AFF2: variants seen among roughly 807,000 people sequenced by gnomAD.
The protein encoded by AFF2 is AF4/FMR2 family member 2.
AFF2 carries 14 observed loss-of-function variants against 76.9 expected under a neutral mutation model. That is an observed-to-expected ratio of 0.18 (90% CI 0.12 to 0.28). AFF2 has a LOEUF of 0.28. Among genes scored for constraint, AFF2 ranks in the 10% least tolerant of loss-of-function variants. The probability of loss-of-function intolerance (pLI) is 1.00; values close to 1 mark genes in which losing one functional copy is unlikely to be tolerated. For missense variants in AFF2, 868 were observed against 1,001.1 expected (o/e 0.87, Z 1.79); for synonymous variants, 398 against 366.7 (o/e 1.09, Z -0.98).
intron 1 of AFF2, among the ~76,000 whole-genome samples, chrX:148,601,958 G>C (rs1557248127): frequency 9.0e-6 from 1 of 111,444 alleles, no homozygotes; most frequent in East Asian, 2.8e-4. Context: ...CTGGATACTT[G>C]AGGATACAAT....
intron 1 of AFF2, among the ~76,000 whole-genome samples, chrX:148,593,006 A>G (rs1318992863): frequency 8.9e-6 from 1 of 111,892 alleles, no homozygotes; most frequent in Admixed American, 9.4e-5. Flanking sequence ...TTTAGTTCAG[A>G]ACCTCAGGTT....
At chrX:148,544,416 C>T (rs1225088387) in intron 1 of AFF2, among the ~76,000 whole-genome samples, 1 of 107,222 alleles carries the variant, frequency 9.3e-6, no homozygotes, top group African/African-American at 3.4e-5. Flanking sequence ...CCTGCTTTCA[C>T]TCTCTCTCTC....
chrX:148,586,894 C>T (rs1024687215), intron 1 of AFF2, among the ~76,000 whole-genome samples: 2 of 110,287 alleles, frequency 1.8e-5, no homozygotes, highest in African/African-American at 3.3e-5. Context: ...TCCCTCCTTC[C>T]CTCCCTCGCT....
chrX:148,502,741 T>G (rs1471209577), intron 1 of AFF2, among the ~76,000 whole-genome samples: 1 of 112,905 alleles, frequency 8.9e-6, no homozygotes, highest in Non-Finnish European at 1.9e-5. Context: ...GTGGTGTGGG[T>G]TACATCGTTA....
intron 9 of AFF2, among the ~76,000 whole-genome samples, chrX:148,929,929 A>G (rs2071693556): frequency 8.9e-6 from 1 of 111,966 alleles, no homozygotes; most frequent in South Asian, 3.8e-4. Flanking sequence ...TGTATGCTGC[A>G]GCATCATAGC....
rs182663330 is a variant in AFF2 at position 148,748,935 on chromosome X, T to C, written c.1042-60941T>C. The stretch of plus-strand genomic sequence containing the variant: ...GAATGGAGTTTGCATAGAATGGTTT[T>C]CTCACATACATTTTTAATGGTAGAT... On this transcript the variant is annotated intron_variant, in intron 3 of 20. Transcript: ENST00000370460. 6.7e-3 allele frequency among the ~76,000 whole-genome samples: 748 copies of C among 111,875 alleles called. 7 individuals carry two copies. Among genetic ancestry groups the C allele is most frequent in the African/African-American group, 0.023 (706 of 30,760 alleles).
At chrX:148,732,627 T>C (rs1427644857) in intron 3 of AFF2, among the ~76,000 whole-genome samples, 1 of 93,067 alleles carries the variant, frequency 1.1e-5, no homozygotes, top group African/African-American at 4.2e-5. Flanking sequence ...AAAAAAAAAC[T>C]ACTGTGATTT....
At chrX:148,646,215 A>G (rs1407770451) in intron 1 of AFF2, among the ~76,000 whole-genome samples, 2 of 111,098 alleles carry the variant, frequency 1.8e-5, no homozygotes, top group Non-Finnish European at 3.8e-5. Context: ...TAACATTAAT[A>G]TCATGGTGAT....
At chrX:148,909,532 G>A (rs906173588) in intron 9 of AFF2, among the ~76,000 whole-genome samples, 17 of 111,701 alleles carry the variant, frequency 1.5e-4, no homozygotes, top group Non-Finnish European at 2.6e-4. Flanking sequence ...CATTGCCATA[G>A]GGAGACTGTG....
intron 3 of AFF2, among the ~76,000 whole-genome samples, chrX:148,783,150 G>C (rs2069766574): frequency 9.0e-6 from 1 of 111,333 alleles, no homozygotes; most frequent in Admixed American, 9.5e-5. Context: ...GGTGATGGAA[G>C]TATGATGCTA....
chrX:148,983,032 C>T (rs782145124), intron 19 of AFF2, among the ~76,000 whole-genome samples: 1 of 111,577 alleles, frequency 9.0e-6, no homozygotes, highest in African/African-American at 3.3e-5. Flanking sequence ...AATTGGGGTT[C>T]AAAGTTAGTG....
intron 1 of AFF2, among the ~76,000 whole-genome samples, chrX:148,612,733 C>T (rs781868688): frequency 2.7e-5 from 3 of 111,729 alleles, no homozygotes; most frequent in Non-Finnish European, 3.8e-5. Context: ...CTGATTAGTA[C>T]GAAAAGATAA....
At chrX:148,710,300 G>C (rs1207057538) in intron 3 of AFF2, among the ~76,000 whole-genome samples, 1 of 111,671 alleles carries the variant, frequency 9.0e-6, no homozygotes, top group East Asian at 2.8e-4. Flanking sequence ...CTTTCAAAAT[G>C]GATGATTCTC....
chrX:148,946,861 C>A (rs1366021616), intron 9 of AFF2, among the ~76,000 whole-genome samples: 2 of 111,926 alleles, frequency 1.8e-5, no homozygotes, highest in East Asian at 5.6e-4. Flanking sequence ...TTACACTGGG[C>A]CCACTTGGAT....
In AFF2 at chrX:148,827,619, CAT is replaced by C. The variant is rs376206095; in HGVS notation, c.1087-10024_1087-10023del. Among the ~76,000 whole-genome samples the C allele has an allele frequency of 5.5e-3, 612 of 111,998 alleles. 2 individuals carry two copies. The highest frequency in any genetic ancestry group is 0.019 in the African/African-American group (589 of 30,833). ...CAAATCCCTTTGGCAATTTCTGAAA[CAT>C]ATAACAAATTGTGCATTATTCTCTA... On this transcript the variant is annotated intron_variant, in intron 4 of 20. Coordinates refer to ENST00000370460, the MANE Select transcript of AFF2 (RefSeq NM_002025.4).
chrX:148,901,505 A>G (rs1268386289), intron 8 of AFF2, among the ~76,000 whole-genome samples: 1 of 112,111 alleles, frequency 8.9e-6, no homozygotes, highest in African/African-American at 3.2e-5. Flanking sequence ...CTGCAATCCC[A>G]ATATGTAACT....
intron 3 of AFF2, among the ~76,000 whole-genome samples, chrX:148,733,912 C>G (rs1332598682): frequency 8.9e-6 from 1 of 112,469 alleles, no homozygotes; most frequent in Non-Finnish European, 1.9e-5. Context: ...ACCTACCTAG[C>G]TATTTCCATC....
At chrX:148,806,959 C>T (rs1305709223) in intron 3 of AFF2, among the ~76,000 whole-genome samples, 1 of 112,185 alleles carries the variant, frequency 8.9e-6, no homozygotes. Flanking sequence ...CAGCAGTGGG[C>T]CCGGGCTAGA....
chrX:148,554,140 C>G (rs2053025340), intron 1 of AFF2, among the ~76,000 whole-genome samples: 1 of 112,464 alleles, frequency 8.9e-6, no homozygotes, highest in South Asian at 3.7e-4. Flanking sequence ...GGATAATACA[C>G]ATATTTACCA....
Sources: allele counts gnomAD v4.1 joint callset (sites outside exome capture counted in the v4.1 genomes callset), GRCh38; gene constraint gnomAD v4.1.1; transcripts MANE v1.5; gene names NCBI Gene and HGNC (gene_info 2026-07-23, HGNC 2026-07-21).